The following FOXO1 variants were observed in gnomAD, a reference collection of about 807,000 sequenced individuals.
The protein encoded by FOXO1 is forkhead box O1, also known as forkhead box protein O1.
Under a neutral mutation model 44.1 loss-of-function variants are expected in FOXO1, and 6 were observed. The observed-to-expected ratio is 0.14, with a 90% CI of 0.07 to 0.27. The LOEUF is 0.27. Ranked by LOEUF, FOXO1 falls within the 10% of genes least tolerant of loss-of-function variation. The pLI, the probability that FOXO1 is intolerant of heterozygous loss-of-function variation, is 1.00. For missense variants in FOXO1, 737 were observed against 888.8 expected (o/e 0.83, Z 2.17); for synonymous variants, 380 against 362.7 (o/e 1.05, Z -0.54).
intron 1 of FOXO1, among the ~76,000 whole-genome samples, chr13:40,585,652 T>G (rs1321956721): frequency 1.3e-5 from 2 of 152,234 alleles, no homozygotes; most frequent in African/African-American, 4.8e-5. Flanking sequence ...AGATGAAAGC[T>G]TCTGCGGAAA....
At position 40,560,088 on chromosome 13, in the gene FOXO1, G is replaced by C; in HGVS notation, c.1403C>G (p.Ser468Cys). ...AATGTCATTATGGGGAGGAGAGTCA[G>C]AAGTCAGCAACTCCTTCAAGAGTCC... ...APGLLKELLTSDSPPHNDIMT... is the reference protein window; with the variant it reads ...APGLLKELLTCDSPPHNDIMT... The change falls in exon 2 of 3, where the codon TCT becomes TGT. Residue 468 changes from serine to cysteine, a missense_variant. Ser to Cys is a moderately radical substitution (Grantham distance 112, BLOSUM62 -1). This residue lies in a region of FOXO1 where 283 missense variants were observed against 278.1 expected (regional missense o/e 1.02). Coordinates refer to ENST00000379561, the MANE Select transcript of FOXO1 (RefSeq NM_002015.4). This position sits in a 1 kb window ranked among gnomAD's most constrained non-coding sequence, Gnocchi z 5.1. The C allele has an allele frequency of 1.9e-6, 3 of 1,614,194 alleles. No homozygotes were observed. Among genetic ancestry groups the C allele is most frequent in the Non-Finnish European group, 2.5e-6 (3 of 1,180,034 alleles).
Position 40,588,817 on chromosome 13 carries a change from C to T in FOXO1, c.631-27957G>A, listed in dbSNP as rs117000808. Reference sequence around the variant, plus strand: ...GGACACAAGTGATTTAAAAGTGTCACTGATTGACCAGGAGTGATGACTCAC... The same window carrying T: ...GGACACAAGTGATTTAAAAGTGTCATTGATTGACCAGGAGTGATGACTCAC... On this transcript the variant is annotated intron_variant, in intron 1 of 2. Transcript: ENST00000379561. 5.4e-3 allele frequency among the ~76,000 whole-genome samples: 818 copies of T among 152,252 alleles called. 2 individuals carry two copies. Among genetic ancestry groups the T allele is most frequent in the Non-Finnish European group, 9.0e-3 (611 of 68,018 alleles).
chr13:40,566,019 C>T (rs1874254394), intron 1 of FOXO1, among the ~76,000 whole-genome samples: 1 of 152,196 alleles, frequency 6.6e-6, no homozygotes, highest in Admixed American at 6.5e-5. Flanking sequence ...GCTGTCAGTG[C>T]CCTGGTCAGC....
At chr13:40,622,642 C>A (rs1298196107) in intron 1 of FOXO1, among the ~76,000 whole-genome samples, 1 of 152,148 alleles carries the variant, frequency 6.6e-6, no homozygotes, top group Admixed American at 6.5e-5. Flanking sequence ...TCCACCATTG[C>A]CTGAGCCTGT....
chr13:40,615,779 T>C (rs1452891493), intron 1 of FOXO1, among the ~76,000 whole-genome samples: 1 of 152,076 alleles, frequency 6.6e-6, no homozygotes, highest in African/African-American at 2.4e-5. Context: ...GAAGGATGCA[T>C]GGCGTGAAAG....
At chr13:40,652,289 CTTTTT>C (rs777152612) in intron 1 of FOXO1, among the ~76,000 whole-genome samples, 2 of 133,584 alleles carry the variant, frequency 1.5e-5, no homozygotes. Context: ...ACTGGTGATT[CTTTTT>C]TTTTTTTTTT....
At chr13:40,658,268 G>C (rs533714293) in intron 1 of FOXO1, among the ~76,000 whole-genome samples, 2 of 152,276 alleles carry the variant, frequency 1.3e-5, no homozygotes, top group East Asian at 1.9e-4. Context: ...CGAGGGGAAT[G>C]GTTAGCGGGT....
intron 1 of FOXO1, among the ~76,000 whole-genome samples, chr13:40,566,107 C>T (rs1874258544): frequency 6.6e-6 from 1 of 152,202 alleles, no homozygotes; most frequent in Non-Finnish European, 1.5e-5. Flanking sequence ...ATTGCTGGGG[C>T]CAGGGGCCTC....
intron 1 of FOXO1, among the ~76,000 whole-genome samples, chr13:40,634,350 T>C (rs1447725442): frequency 2.6e-5 from 4 of 152,204 alleles, no homozygotes; most frequent in African/African-American, 4.8e-5. Context: ...CCTTGCTGTA[T>C]AGACAGTATC....
chr13:40,574,360 AGCTGTATGAT>A (rs1214461677), intron 1 of FOXO1, among the ~76,000 whole-genome samples: 1 of 152,206 alleles, frequency 6.6e-6, no homozygotes, highest in East Asian at 1.9e-4. Context: ...TGTGAATCTG[AGCTGTATGAT>A]GCCCTGGTGT....
intron 1 of FOXO1, among the ~76,000 whole-genome samples, chr13:40,568,765 T>C (rs1874367977): frequency 6.6e-6 from 1 of 152,114 alleles, no homozygotes; most frequent in Non-Finnish European, 1.5e-5. Context: ...CTACCCCCAC[T>C]GTGCAGAGGT....
At chr13:40,588,680 T>C (rs1445641488) in intron 1 of FOXO1, among the ~76,000 whole-genome samples, 1 of 152,210 alleles carries the variant, frequency 6.6e-6, no homozygotes, top group African/African-American at 2.4e-5. Context: ...CCCAGCCTAA[T>C]GAACAACCCT....
chr13:40,624,085 C>T (rs73467036), intron 1 of FOXO1, among the ~76,000 whole-genome samples: 114 of 151,762 alleles, frequency 7.5e-4, no homozygotes, highest in African/African-American at 2.7e-3. Flanking sequence ...GCCTGGGTGA[C>T]AGCATGAGAT....
chr13:40,560,204 G>A lies in FOXO1; in HGVS notation c.1287C>T (p.Ser429=). The change falls in exon 2 of 3, where the codon TCC becomes TCT. Residue 429 remains serine (S), a synonymous_variant. Coordinates refer to ENST00000379561, the MANE Select transcript of FOXO1 (RefSeq NM_002015.4). The surrounding 1 kb of genome is among the most constrained non-coding windows in gnomAD (Gnocchi z 5.1). ...PNYQKYTYGQ[S]SMSPLPQMPI... ...GCATCTGGGGCAAAGGGCTCATGCT[G>A]GATTGGCCATATGTATATTTTTGGT... 6.2e-7 allele frequency: 1 copy of A among 1,614,140 alleles called. No individual in the cohort carries two copies. Among genetic ancestry groups the A allele is most frequent in the South Asian group, 1.1e-5 (1 of 91,082 alleles).
rs775562376 is a variant in FOXO1 at position 40,604,368 on chromosome 13, T to C, written c.631-43508A>G. Among the ~76,000 whole-genome samples, 88 of 148,690 alleles carry C rather than the reference T, an allele frequency of 5.9e-4. 1 individual carries two copies. Among genetic ancestry groups the C allele is most frequent in the Non-Finnish European group, 1.3e-3 (85 of 67,592 alleles). ...TGAGTGCACTCAACTATCTCATAAT[T>C]AGTCTGGTGTCAGATCTTTTTTTTT... On this transcript the variant is annotated intron_variant, in intron 1 of 2. Coordinates refer to ENST00000379561, the MANE Select transcript of FOXO1 (RefSeq NM_002015.4).
intron 1 of FOXO1, among the ~76,000 whole-genome samples, chr13:40,655,022 C>T (rs1877811245): frequency 6.6e-6 from 1 of 152,124 alleles, no homozygotes; most frequent in African/African-American, 2.4e-5. Flanking sequence ...TAATTCTGAA[C>T]TTCACTGGAT....
At chr13:40,596,271 A>C (rs2137872630) in intron 1 of FOXO1, among the ~76,000 whole-genome samples, 1 of 152,284 alleles carries the variant, frequency 6.6e-6, no homozygotes, top group South Asian at 2.1e-4. Flanking sequence ...TCTGGCAGAA[A>C]GCTGGGGTCT....
intron 1 of FOXO1, among the ~76,000 whole-genome samples, chr13:40,624,488 G>GT (rs895860915): frequency 7.9e-5 from 12 of 152,110 alleles, no homozygotes; most frequent in South Asian, 4.1e-4. Context: ...AACATGTGTT[G>GT]TAAGTGATCA....
chr13:40,571,807 C>T (rs1008957035), intron 1 of FOXO1, among the ~76,000 whole-genome samples: 8 of 152,298 alleles, frequency 5.3e-5, no homozygotes, highest in African/African-American at 1.2e-4. Flanking sequence ...GTCCTATAAA[C>T]GCACAGCATT....
Sources: allele counts gnomAD v4.1 joint callset (sites outside exome capture counted in the v4.1 genomes callset), GRCh38; gene constraint gnomAD v4.1.1; regional missense constraint gnomAD v4.1.1; non-coding constraint Gnocchi (gnomAD v3.1); transcripts MANE v1.5; gene names NCBI Gene and HGNC (gene_info 2026-07-23, HGNC 2026-07-21).